The following PCNX3 variants were observed in gnomAD, a reference collection of about 807,000 sequenced individuals.
The protein encoded by PCNX3 is pecanex-like protein 3.
A neutral mutation model predicts 207.2 loss-of-function variants in PCNX3; 58 were observed. The ratio of observed to expected loss-of-function variants is 0.28; its 90% CI spans 0.23 to 0.35. The LOEUF (loss-of-function observed/expected upper bound fraction) is 0.35, where lower values mean the gene tolerates loss of function less well. Ranked by LOEUF, PCNX3 falls within the 10% of genes least tolerant of loss-of-function variation. The probability of loss-of-function intolerance (pLI) is 1.00; values close to 1 mark genes in which losing one functional copy is unlikely to be tolerated. For synonymous variants in PCNX3, 1,337 were observed against 1,183.5 expected, an observed-to-expected ratio of 1.13 and a Z score of -2.66; for missense variants, 2,410 against 2,774.4, an observed-to-expected ratio of 0.87 and a Z score of 2.95.
In PCNX3 at chr11:65,619,737, G is replaced by C. The variant is rs771496998; in HGVS notation, c.1830-17G>C. ...GCAAGCTCTAGCTGGCGCTGACCTG[G>C]GGCTGACCCTCTCCAGCAGCCTGCA... On this transcript the variant is annotated splice_polypyrimidine_tract_variant and intron_variant, in intron 7 of 34. Coordinates refer to ENST00000355703, the MANE Select transcript of PCNX3 (RefSeq NM_032223.4). The C allele has an allele frequency of 6.4e-7, 1 of 1,562,150 alleles. No individual in the cohort carries two copies. The highest frequency in any genetic ancestry group is 2.3e-5 in the East Asian group (1 of 42,712).
chr11:65,626,331 G>C, intron 20 of PCNX3: 1 of 620,828 alleles, frequency 1.6e-6, no homozygotes, highest in Non-Finnish European at 3.0e-6. Context: ...TAGAACCCCA[G>C]GGCCCTGAAG....
intron 11 of PCNX3, 93 bp from the exon 12 acceptor site, chr11:65,623,398 A>G: frequency 6.9e-6 from 10 of 1,451,564 alleles, no homozygotes; most frequent in East Asian, 4.9e-5. Context: ...GCACAGTCCC[A>G]GAGCTGGGCC....
rs1049617746 is a variant in PCNX3, at chr11:65,615,936, G to A, written c.-376G>A. On this transcript the variant is annotated 5_prime_UTR_variant, in exon 1 of 35. Coordinates refer to ENST00000355703, the MANE Select transcript of PCNX3 (RefSeq NM_032223.4). ...GGGTTCTCCCTGGTCCGGAGACTAG[G>A]GAGCTGTCGCCTGCACCCCGGGAGC... The A allele has an allele frequency of 9.4e-5, 15 of 159,876 alleles. No homozygotes were observed. The highest frequency in any genetic ancestry group is 1.9e-4 in the Non-Finnish European group (14 of 73,392). 9.9% of individuals were successfully genotyped at this position (159,876 alleles called of 1,614,324 possible). A position where few individuals can be genotyped will look rare whatever the true frequency, so the allele number is the denominator to read the frequency against.
At position 65,625,429 on chromosome 11, in the gene PCNX3, C is replaced by T. The variant is rs1290161236; in HGVS notation, c.3054C>T (p.Phe1018=). Residue 1018 remains phenylalanine (F), a synonymous_variant, in exon 18 of 35, where the codon TTC becomes TTT. Coordinates refer to ENST00000355703, the MANE Select transcript of PCNX3 (RefSeq NM_032223.4). This position sits in a 1 kb window ranked among gnomAD's most constrained non-coding sequence, Gnocchi z 5.6. ...VLWSLIRSKL[F]PELEERSLET... ...GGTCTCTGATCCGGAGCAAGCTGTT[C>T]CCTGAGCTGGAGGAGCGCAGCTTGG... 6 of 1,605,528 alleles carry T rather than the reference C, an allele frequency of 3.7e-6. No homozygotes were observed. Among genetic ancestry groups the T allele is most frequent in the Non-Finnish European group, 8.5e-7 (1 of 1,179,104 alleles).
Position 65,636,757 on chromosome 11 carries a change from C to A in PCNX3, c.5893-9C>A, listed in dbSNP as rs756712326. 6.5e-7 allele frequency: 1 copy of A among 1,545,700 alleles called. No homozygotes were observed. The highest frequency in any genetic ancestry group is 1.2e-5 in the South Asian group (1 of 83,936). On this transcript the variant is annotated splice_polypyrimidine_tract_variant and intron_variant, in intron 34 of 34. Coordinates refer to ENST00000355703, the MANE Select transcript of PCNX3 (RefSeq NM_032223.4). Reference sequence around the variant, plus strand: ...CTGCTCACCCGCCAACCTCTCCCCCCTCCCCCAGGCGCCTCTAGACCTCAG... The same window carrying A: ...CTGCTCACCCGCCAACCTCTCCCCCATCCCCCAGGCGCCTCTAGACCTCAG...
In PCNX3 at chr11:65,637,162, C is replaced by T; in HGVS notation, c.*184C>T. The T allele has an allele frequency of 1.5e-6, 1 of 671,962 alleles. No individual in the cohort carries two copies. Among genetic ancestry groups the T allele is most frequent in the South Asian group, 1.9e-5 (1 of 52,570 alleles). 41.6% of individuals were successfully genotyped at this position (671,962 alleles called of 1,614,324 possible). On this transcript the variant is annotated 3_prime_UTR_variant, in exon 35 of 35. Coordinates refer to ENST00000355703, the MANE Select transcript of PCNX3 (RefSeq NM_032223.4). ...TCTGACCTTGACCCCTGATCTCTCTCATCCCCAGTCCAGGGCCTGGGCTCC... is the reference window on the plus strand; with the variant it reads ...TCTGACCTTGACCCCTGATCTCTCTTATCCCCAGTCCAGGGCCTGGGCTCC...
At position 65,635,490 on chromosome 11, in the gene PCNX3, C is replaced by T. The variant is rs374537369; in HGVS notation, c.5185-39C>T. On this transcript the variant is annotated intron_variant, in intron 31 of 34. Coordinates refer to ENST00000355703, the MANE Select transcript of PCNX3 (RefSeq NM_032223.4). The surrounding 1 kb of genome is among the most constrained non-coding windows in gnomAD (Gnocchi z 9.9). ...CTGCCCTAAGCCCTGCCCCAAACCC[C>T]CTTGGGCCGGCCCCCTGACCCTGGC... 17 of 1,607,274 alleles carry T rather than the reference C, an allele frequency of 1.1e-5. No individual in the cohort carries two copies. Among genetic ancestry groups the T allele is most frequent in the Non-Finnish European group, 1.4e-5 (16 of 1,178,090 alleles).
At chr11:65,630,065 G>A (rs755559475) in intron 26 of PCNX3, among the ~76,000 whole-genome samples, 18 of 152,228 alleles carry the variant, frequency 1.2e-4, no homozygotes, top group Non-Finnish European at 2.4e-4. Context: ...GGCGCCATGA[G>A]TGAGCCAGCT....
chr11:65,620,472 C>T, intron 9 of PCNX3, 43 bp downstream of exon 9: 5 of 1,593,368 alleles, frequency 3.1e-6, no homozygotes, highest in South Asian at 1.1e-5. Context: ...GTCTTGGTGG[C>T]CTGCATCTCT....
At chr11:65,620,568 C>T (rs1245187211) in intron 9 of PCNX3, 139 bp downstream of exon 9, 2 of 1,013,388 alleles carry the variant, frequency 2.0e-6, no homozygotes, top group Non-Finnish European at 2.9e-6. Flanking sequence ...GGATGGGGAG[C>T]AGCAAAGGAC....
At chr11:65,627,200 G>C (rs1369648033) in intron 21 of PCNX3, among the ~76,000 whole-genome samples, 152 bp downstream of exon 21, 1 of 152,172 alleles carries the variant, frequency 6.6e-6, no homozygotes, top group African/African-American at 2.4e-5. Flanking sequence ...CCCAGGAAGT[G>C]GTTGCTTCTT....
At chr11:65,629,083 G>T in intron 24 of PCNX3, 135 bp downstream of exon 24, 1 of 1,326,016 alleles carries the variant, frequency 7.5e-7, no homozygotes. Flanking sequence ...CACATGAGGC[G>T]GCAGATCCAA....
intron 22 of PCNX3, among the ~76,000 whole-genome samples, chr11:65,628,293 C>T (rs1042215614): frequency 6.6e-6 from 1 of 152,236 alleles, no homozygotes; most frequent in African/African-American, 2.4e-5. Flanking sequence ...TTTATCTTCT[C>T]TGTCTTCACT....
chr11:65,616,300 A>T lies in PCNX3; in HGVS notation c.-12A>T. ...TCCCGGGAGGGGGGGCGCGGGCAGC[A>T]GCGGCGGGGCCATGGGGTCGCAGGT... is the stretch of plus-strand genomic sequence containing the variant. On this transcript the variant is annotated 5_prime_UTR_variant, in exon 1 of 35. Coordinates refer to ENST00000355703, the MANE Select transcript of PCNX3 (RefSeq NM_032223.4). 6.4e-7 allele frequency: 1 copy of T among 1,562,610 alleles called. No individual in the cohort carries two copies.
Position 65,624,365 on chromosome 11 carries a change from T to G in PCNX3, c.2715T>G (p.Thr905=). ...SFFFCARDVA[T]VFTLCFPFVF... is the part of the protein sequence containing the mutation. Reference sequence around the variant, plus strand: ...TCTTCTGTGCCCGAGACGTGGCCACTGGTGAGGCTGGGGCAGGGATGAGGT... The same window carrying G: ...TCTTCTGTGCCCGAGACGTGGCCACGGGTGAGGCTGGGGCAGGGATGAGGT... The change falls in exon 14 of 35, where the codon ACT becomes ACG. Residue 905 remains threonine (T), a splice_region_variant and synonymous_variant. Coordinates refer to ENST00000355703, the MANE Select transcript of PCNX3 (RefSeq NM_032223.4). 1.9e-6 allele frequency: 3 copies of G among 1,553,484 alleles called. No individual in the cohort carries two copies. The highest frequency in any genetic ancestry group is 2.6e-6 in the Non-Finnish European group (3 of 1,148,004).
Position 65,616,282 on chromosome 11 carries a change from A to ATCCC in PCNX3, c.-30_-29insTCCC. On this transcript the variant is annotated 5_prime_UTR_variant, in exon 1 of 35. Coordinates refer to ENST00000355703, the MANE Select transcript of PCNX3 (RefSeq NM_032223.4). The stretch of plus-strand genomic sequence containing the variant: ...GGGCCGCCCCCATGAGGGTCCCGGG[A>ATCCC]GGGGGGGCGCGGGCAGCAGCGGCGG... 1 of 1,527,402 alleles carries ATCCC rather than the reference A, an allele frequency of 6.5e-7. No homozygotes were observed. The highest frequency in any genetic ancestry group is 1.2e-5 in the South Asian group (1 of 81,912). 94.6% of individuals were successfully genotyped at this position (1,527,402 alleles called of 1,614,324 possible). A position where few individuals can be genotyped will look rare whatever the true frequency, so the allele number is the denominator to read the frequency against.
chr11:65,621,227 G>T (rs1855078784), intron 10 of PCNX3, among the ~76,000 whole-genome samples: 1 of 152,200 alleles, frequency 6.6e-6, no homozygotes, highest in Non-Finnish European at 1.5e-5. Context: ...GTCCCACAGT[G>T]AACAGGGGCC....
At position 65,619,637 on chromosome 11, in the gene PCNX3, C is replaced by G; in HGVS notation, c.1806C>G (p.Ala602=). 6.2e-7 allele frequency: 1 copy of G among 1,602,478 alleles called. No homozygotes were observed. Among genetic ancestry groups the G allele is most frequent in the Admixed American group, 1.7e-5 (1 of 59,618 alleles). Residue 602 remains alanine (A), a synonymous_variant, in exon 7 of 35, where the codon GCC becomes GCG. Coordinates refer to ENST00000355703, the MANE Select transcript of PCNX3 (RefSeq NM_032223.4). ...CAGGCAGCAACCCCACCCCTCCAGC[C>G]TCTGTCATGGGCTCGCCGCCCAGGT... ...HNAGSNPTPP[A]SVMGSPPSSL... is the part of the protein sequence containing the mutation.
chr11:65,627,633 C>G (rs935539800), intron 22 of PCNX3, 51 bp downstream of exon 22: 1 of 1,578,740 alleles, frequency 6.3e-7, no homozygotes, highest in Non-Finnish European at 8.7e-7. Context: ...GGGAGCAGAG[C>G]CAACTTCTGC....
Sources: gnomAD v4.1 joint callset for allele counts (sites outside exome capture counted in the v4.1 genomes callset) on GRCh38, gnomAD v4.1.1 for gene constraint, Gnocchi (gnomAD v3.1) non-coding constraint, MANE v1.5 for transcripts, NCBI Gene and HGNC (gene_info 2026-07-23, HGNC 2026-07-21) for gene names.